Variants in RALGPS1 observed in about 807,000 individuals in gnomAD.
The protein encoded by RALGPS1 is Ral GEF with PH domain and SH3 binding motif 1, also known as ras-specific guanine nucleotide-releasing factor RalGPS1.
In RALGPS1, 19 loss-of-function variants were observed where a neutral mutation model predicts 78.8. The ratio of observed to expected loss-of-function variants is 0.24; its 90% confidence interval spans 0.17 to 0.35. The LOEUF is 0.35. RALGPS1 is among the 10% of genes least tolerant of loss of function. The pLI is 1.00. For missense variants in RALGPS1, 454 were observed against 688.3 expected (o/e 0.66, Z 3.81); for synonymous variants, 228 against 256.3 (o/e 0.89, Z 1.06).
At chr9:127,177,930 C>T (rs1488352645) in intron 11 of RALGPS1, 2 of 1,548,960 alleles carry the variant, frequency 1.3e-6, no homozygotes, top group Non-Finnish European at 1.7e-6. Context: ...AGCCAGCCAA[C>T]CTCCAGCATC....
intron 4 of RALGPS1, among the ~76,000 whole-genome samples, chr9:127,024,086 CTG>C (rs1168426625): frequency 2.8e-5 from 4 of 141,278 alleles, no homozygotes; most frequent in South Asian, 2.4e-4. Context: ...CATGTGAAAA[CTG>C]TGTGTTATTT....
intron 7 of RALGPS1, among the ~76,000 whole-genome samples, chr9:127,064,235 GCAGA>G (rs2135716424): frequency 6.6e-6 from 1 of 152,284 alleles, no homozygotes; most frequent in Admixed American, 6.5e-5. Context: ...CTCTGGGTAA[GCAGA>G]CAATTTACTT....
chr9:126,966,074 A>T, intron 3 of RALGPS1, 123 bp downstream of exon 3: 1 of 694,954 alleles, frequency 1.4e-6, no homozygotes. Flanking sequence ...GGGAGTGTTG[A>T]GTAAAGTCCG....
intron 7 of RALGPS1, among the ~76,000 whole-genome samples, chr9:127,063,651 C>A (rs962051658): frequency 6.6e-6 from 1 of 151,950 alleles, no homozygotes; most frequent in Non-Finnish European, 1.5e-5. Flanking sequence ...CCAGTTTTCC[C>A]ACTATTTTCT....
At chr9:126,998,000 A>G (rs377405891) in intron 4 of RALGPS1, among the ~76,000 whole-genome samples, 7 of 152,064 alleles carry the variant, frequency 4.6e-5, no homozygotes, top group East Asian at 1.9e-4. Flanking sequence ...CCTTCCTTAC[A>G]TGTTATACAA....
At chr9:126,981,509 GC>G (rs2041244287) in intron 4 of RALGPS1, among the ~76,000 whole-genome samples, 2 of 152,180 alleles carry the variant, frequency 1.3e-5, no homozygotes, top group African/African-American at 4.8e-5. Context: ...ATGCCCAATG[GC>G]TCACTATGCA....
chr9:126,993,283 A>G (rs1188849696), intron 4 of RALGPS1, among the ~76,000 whole-genome samples: 2 of 152,178 alleles, frequency 1.3e-5, no homozygotes, highest in African/African-American at 4.8e-5. Context: ...GATTTGTTAA[A>G]ATTGTGTTTA....
chr9:127,183,599 T>G lies in RALGPS1; in HGVS notation c.910+8817T>G, dbSNP rs576106951. Among the ~76,000 whole-genome samples the G allele has an allele frequency of 1.8e-4, 28 of 152,254 alleles. No homozygotes were observed. Among genetic ancestry groups the G allele is most frequent in the South Asian group, 4.2e-4 (2 of 4,810 alleles). On this transcript the variant is annotated intron_variant, in intron 11 of 18. Transcript: ENST00000259351. This position sits in a 1 kb window ranked among gnomAD's most constrained non-coding sequence, Gnocchi z 4.0. Reference sequence around the variant, plus strand: ...CCTGAGTAAGGCACAGTAGCTCCCCTGGGTCTCCTGACTGCTAGAGACATA... The same window carrying G: ...CCTGAGTAAGGCACAGTAGCTCCCCGGGGTCTCCTGACTGCTAGAGACATA...
At chr9:126,954,694 C>T (rs763862303) in intron 1 of RALGPS1, among the ~76,000 whole-genome samples, 19 of 152,234 alleles carry the variant, frequency 1.2e-4, no homozygotes, top group Admixed American at 2.6e-4. Context: ...CCCAGCTATT[C>T]GAGGGGCTGA....
intron 8 of RALGPS1, among the ~76,000 whole-genome samples, chr9:127,074,299 G>T (rs2050488432): frequency 6.6e-6 from 1 of 152,206 alleles, no homozygotes; most frequent in South Asian, 2.1e-4. Context: ...TTTCATATTT[G>T]TTTCACCTTA....
At chr9:127,162,637 A>G (rs1237154907) in intron 8 of RALGPS1, among the ~76,000 whole-genome samples, 2 of 151,872 alleles carry the variant, frequency 1.3e-5, no homozygotes, top group African/African-American at 4.8e-5. Flanking sequence ...CTTGGCTCAC[A>G]CTCCTGGGTC....
At position 127,058,523 on chromosome 9, in the gene RALGPS1, A is replaced by G. The variant is rs562652853; in HGVS notation, c.483+5584A>G. 4.8e-4 allele frequency among the ~76,000 whole-genome samples: 73 copies of G among 152,106 alleles called. 1 individual carries two copies. Among genetic ancestry groups the G allele is most frequent in the African/African-American group, 1.7e-3 (72 of 41,508 alleles). Reference sequence around the variant, plus strand: ...TATGAGAACAGCAGGCTGATATCGGATATGTTGGGGAGAGCTGACAGATTG... The same window carrying G: ...TATGAGAACAGCAGGCTGATATCGGGTATGTTGGGGAGAGCTGACAGATTG... On this transcript the variant is annotated intron_variant, in intron 7 of 18. Transcript: ENST00000259351.
Position 127,177,546 on chromosome 9 carries a change from TGCCTCA to T in RALGPS1, c.910+2798_910+2803del, listed in dbSNP as rs201665675. 1.4e-3 allele frequency among the ~76,000 whole-genome samples: 212 copies of T among 152,168 alleles called. 1 individual carries two copies. The highest frequency in any genetic ancestry group is 2.0e-3 in the African/African-American group (81 of 41,482). On this transcript the variant is annotated intron_variant, in intron 11 of 18. Coordinates refer to ENST00000259351, the MANE Select transcript of RALGPS1 (RefSeq NM_014636.3). ...CTCCCTGAGGAAGAGCCCAGGGCCC[TGCCTCA>T]GCCTCAGCCTCAGCCTCAGCCTCAG...
intron 10 of RALGPS1, 24 bp downstream of exon 10, chr9:127,168,796 T>C (rs2059417949): frequency 1.3e-6 from 2 of 1,569,504 alleles, no homozygotes; most frequent in Non-Finnish European, 1.8e-6. Context: ...TATTCCTGTG[T>C]CAGGCCTCCC....
intron 1 of RALGPS1, among the ~76,000 whole-genome samples, chr9:126,957,359 A>G (rs2038442648): frequency 7.0e-6 from 1 of 143,698 alleles, no homozygotes; most frequent in East Asian, 2.5e-4. Flanking sequence ...CAGGCTGAGC[A>G]GTTTGAGCTC....
intron 8 of RALGPS1, among the ~76,000 whole-genome samples, chr9:127,109,074 C>G (rs375286026): frequency 2.0e-5 from 3 of 152,230 alleles, no homozygotes; most frequent in Non-Finnish European, 2.9e-5. Context: ...AGCCCCCTTG[C>G]TGAACTCCTG....
At chr9:127,030,464 G>A (rs1564448259) in intron 4 of RALGPS1, among the ~76,000 whole-genome samples, 1 of 152,056 alleles carries the variant, frequency 6.6e-6, no homozygotes, top group Non-Finnish European at 1.5e-5. Flanking sequence ...GGCTAAGAGC[G>A]GCCGGTGAAG....
At chr9:127,190,291 A>C (rs2060953055) in intron 11 of RALGPS1, among the ~76,000 whole-genome samples, 1 of 152,070 alleles carries the variant, frequency 6.6e-6, no homozygotes, top group South Asian at 2.1e-4. Flanking sequence ...TTTGCAACTT[A>C]CTCTCTCCAC....
At position 126,966,067 on chromosome 9, in the gene RALGPS1, A is replaced by T; in HGVS notation, c.165+116A>T. The T allele has an allele frequency of 4.2e-6, 3 of 721,940 alleles. 1 individual carries two copies. The South Asian group carries it at 4.8e-5, about 12-fold the overall frequency. 44.7% of individuals were successfully genotyped at this position (721,940 alleles called of 1,614,324 possible). The stretch of plus-strand genomic sequence containing the variant: ...CATTCTATATGCCCAGCAAGAGGGG[A>T]GTGTTGAGTAAAGTCCGTACCACCC... On this transcript the variant is annotated intron_variant, in intron 3 of 18. Transcript: ENST00000259351.
Sources: gnomAD v4.1 joint callset for allele counts (sites outside exome capture counted in the v4.1 genomes callset) on GRCh38, gnomAD v4.1.1 for gene constraint, Gnocchi (gnomAD v3.1) non-coding constraint, MANE v1.5 for transcripts, NCBI Gene and HGNC (gene_info 2026-07-23, HGNC 2026-07-21) for gene names.